Variants in GPR63 observed in about 807,000 individuals in gnomAD.
GPR63 encodes the protein probable G protein-coupled receptor 63.
Under a neutral mutation model 23.1 loss-of-function variants are expected in GPR63, and 12 were observed. The ratio of observed to expected loss-of-function variants is 0.52; its 90% CI spans 0.33 to 0.84. GPR63 has a LOEUF of 0.84. Among genes scored for constraint, GPR63 ranks in the 40% least tolerant of loss-of-function variants. The pLI, the probability that GPR63 is intolerant of heterozygous loss-of-function variation, is 0.02. For missense variants in GPR63, 472 were observed against 515.6 expected, an observed-to-expected ratio of 0.92 and a Z score of 0.82; for synonymous variants, 172 against 191.1, an observed-to-expected ratio of 0.90 and a Z score of 0.82.
intron 1 of GPR63, among the ~76,000 whole-genome samples, chr6:96,819,374 A>C (rs9386853): frequency 1.3e-5 from 2 of 151,986 alleles, no homozygotes; most frequent in South Asian, 4.1e-4. Flanking sequence ...TTGCAGGGAC[A>C]TGAATGAAGC....
At position 96,797,128 on chromosome 6, in the gene GPR63, G is replaced by C. The variant is rs540521168; in HGVS notation, c.*1344C>G. 71 of 152,198 alleles carry C rather than the reference G, an allele frequency of 4.7e-4. No homozygotes were observed. The highest frequency in any genetic ancestry group is 1.7e-3 in the African/African-American group (69 of 41,506). The allele number at this position is 152,198 out of a possible 1,614,324, so 9.4% of individuals were successfully genotyped here. On this transcript the variant is annotated 3_prime_UTR_variant, in exon 2 of 2. Transcript: ENST00000229955. ...TGTGTGTGGTTCCAGCTATTCAGGA[G>C]GCTGAGACAGGAGGATTACCTGAGC...
rs1413111528 is a variant in GPR63 at position 96,795,356 on chromosome 6, G to C, written c.*3116C>G. ...CTGTAAGCAGTGAGAATTAGTAGTG[G>C]TATCTTTCCCTGCCTCAAGAAAATA... On this transcript the variant is annotated 3_prime_UTR_variant, in exon 2 of 2. Transcript: ENST00000229955. 1 of 152,126 alleles carries C rather than the reference G, an allele frequency of 6.6e-6. No individual in the cohort carries two copies. Among genetic ancestry groups the C allele is most frequent in the Non-Finnish European group, 1.5e-5 (1 of 68,030 alleles). 9.4% of individuals were successfully genotyped at this position (152,126 alleles called of 1,614,324 possible).
intron 1 of GPR63, among the ~76,000 whole-genome samples, chr6:96,801,510 T>G (rs1434846940): frequency 2.6e-5 from 4 of 152,180 alleles, no homozygotes; most frequent in African/African-American, 9.6e-5. Context: ...AGTCATTGAT[T>G]TTAAGGGTCA....
chr6:96,824,475 C>A (rs1396111147), intron 1 of GPR63, among the ~76,000 whole-genome samples: 1 of 151,186 alleles, frequency 6.6e-6, no homozygotes, highest in African/African-American at 2.4e-5. Context: ...GTGCAACCAA[C>A]AAATGGAAAG....
chr6:96,808,929 C>T (rs2127948476), intron 1 of GPR63, among the ~76,000 whole-genome samples: 1 of 151,780 alleles, frequency 6.6e-6, no homozygotes, highest in Admixed American at 6.6e-5. Context: ...TCCCCCGTCC[C>T]CCCACCCCAC....
chr6:96,827,634 T>A (rs755759438), intron 1 of GPR63, among the ~76,000 whole-genome samples: 1 of 151,954 alleles, frequency 6.6e-6, no homozygotes, highest in Non-Finnish European at 1.5e-5. Context: ...CTTCAAAAGA[T>A]CTTAGAAGGA....
At chr6:96,817,685 G>T (rs889003824) in intron 1 of GPR63, among the ~76,000 whole-genome samples, 1 of 151,870 alleles carries the variant, frequency 6.6e-6, no homozygotes, top group Non-Finnish European at 1.5e-5. Context: ...CTACTATAAC[G>T]CAACACATGG....
rs192793597 is a variant in GPR63 at position 96,829,188 on chromosome 6, G to A, written c.-151+8080C>T. Among the ~76,000 whole-genome samples the A allele has an allele frequency of 2.2e-3, 331 of 152,264 alleles. 2 individuals are homozygous for A. Among genetic ancestry groups the A allele is most frequent in the Middle Eastern group, 0.02 (6 of 294 alleles). ...ATCCAGTAGCTAGAGAATACACATC[G>A]TTTTAAAGCTACACGTGGAACACTT... is the stretch of plus-strand genomic sequence containing the variant. On this transcript the variant is annotated intron_variant, in intron 1 of 1. Coordinates refer to ENST00000229955, the MANE Select transcript of GPR63 (RefSeq NM_030784.4).
intron 1 of GPR63, among the ~76,000 whole-genome samples, chr6:96,821,798 G>T (rs1774320267): frequency 6.6e-6 from 1 of 151,944 alleles, no homozygotes. Flanking sequence ...ATATACCACG[G>T]TCTCCTCTTT....
intron 1 of GPR63, among the ~76,000 whole-genome samples, chr6:96,811,219 G>C (rs914181408): frequency 6.6e-6 from 1 of 152,150 alleles, no homozygotes; most frequent in Non-Finnish European, 1.5e-5. Context: ...GGGAAGAAAC[G>C]AGTGGCACCA....
At chr6:96,801,657 T>C (rs1277237256) in intron 1 of GPR63, among the ~76,000 whole-genome samples, 1 of 152,210 alleles carries the variant, frequency 6.6e-6, no homozygotes, top group Non-Finnish European at 1.5e-5. Flanking sequence ...TCTTTTTTTG[T>C]CCAGGGCTGC....
chr6:96,828,803 C>T (rs555083964), intron 1 of GPR63, among the ~76,000 whole-genome samples: 2 of 152,166 alleles, frequency 1.3e-5, no homozygotes, highest in East Asian at 3.9e-4. Flanking sequence ...ACTTTAAAGC[C>T]AACAAGTAGG....
At chr6:96,801,285 C>T (rs1044051971) in intron 1 of GPR63, among the ~76,000 whole-genome samples, 7 of 151,626 alleles carry the variant, frequency 4.6e-5, no homozygotes, top group East Asian at 1.9e-4. Flanking sequence ...CCGCAACCTC[C>T]GCCTCCTGGG....
chr6:96,829,995 C>A (rs1427347346), intron 1 of GPR63, among the ~76,000 whole-genome samples: 1 of 152,078 alleles, frequency 6.6e-6, no homozygotes. Flanking sequence ...CAGCTACAAA[C>A]AACACTGATG....
chr6:96,824,640 T>A, intron 1 of GPR63, among the ~76,000 whole-genome samples: 1 of 78,904 alleles, frequency 1.3e-5, no homozygotes. Context: ...TTTTGAACTT[T>A]TAAAAAAATG....
intron 1 of GPR63, among the ~76,000 whole-genome samples, chr6:96,823,195 TTAAGATTTC>T (rs1421894600): frequency 6.6e-6 from 1 of 152,190 alleles, no homozygotes; most frequent in Non-Finnish European, 1.5e-5. Flanking sequence ...GTACTACTTA[TTAAGATTTC>T]TAAAAGTTAA....
At chr6:96,816,555 G>A (rs529948639) in intron 1 of GPR63, among the ~76,000 whole-genome samples, 2 of 152,190 alleles carry the variant, frequency 1.3e-5, no homozygotes, top group South Asian at 2.1e-4. Context: ...GAGAGGCTAC[G>A]ATCTGAGAGA....
rs1484068147 is a variant in GPR63 at position 96,798,691 on chromosome 6, G to A, written c.1041C>T (p.His347=). 6.2e-7 allele frequency: 1 copy of A among 1,614,180 alleles called. No homozygotes were observed. Among genetic ancestry groups the A allele is most frequent in the Admixed American group, 1.7e-5 (1 of 60,028 alleles). ...ATFSKHFYYQ[H]NFFEISTWLL... is the part of the protein sequence containing the mutation. The stretch of plus-strand genomic sequence containing the variant: ...GCCAGGTGCTAATCTCAAAAAAGTT[G>A]TGCTGATAGTAAAAGTGCTTACTGA... The change falls in exon 2 of 2, where the codon CAC becomes CAT. Residue 347 remains histidine, a synonymous_variant. Transcript: ENST00000229955.
chr6:96,821,939 G>T (rs551119209), intron 1 of GPR63, among the ~76,000 whole-genome samples: 2 of 151,922 alleles, frequency 1.3e-5, no homozygotes, highest in African/African-American at 4.8e-5. Flanking sequence ...TCGTTTCCAA[G>T]GATATAATAG....
Sources: allele counts gnomAD v4.1 joint callset (sites outside exome capture counted in the v4.1 genomes callset), GRCh38; gene constraint gnomAD v4.1.1; transcripts MANE v1.5; gene names NCBI Gene and HGNC (gene_info 2026-07-23, HGNC 2026-07-21).